Variants in ABCC2 observed in about 807,000 individuals in gnomAD.
The protein encoded by ABCC2 is ATP binding cassette subfamily C member 2, also known as ATP-binding cassette sub-family C member 2.
ABCC2 carries 157 observed loss-of-function variants against 173.4 expected under a neutral mutation model. The observed-to-expected ratio is 0.91, with a 90% CI of 0.80 to 1.03. The LOEUF (loss-of-function observed/expected upper bound fraction) is 1.03, where lower values mean the gene tolerates loss of function less well. ABCC2 is among the 50% of genes least tolerant of loss of function. The pLI is 0.00. For synonymous variants in ABCC2, 657 were observed against 693.5 expected, an observed-to-expected ratio of 0.95 and a Z score of 0.83; for missense variants, 1,822 against 1,852.3, an observed-to-expected ratio of 0.98 and a Z score of 0.30.
Position 99,811,604 on chromosome 10 carries a change from T to C in ABCC2, c.1967+2T>C, listed in dbSNP as rs387906396. The C allele has an allele frequency of 1.1e-5, 17 of 1,613,712 alleles. No homozygotes were observed. The East Asian group carries it at 3.3e-4, about 32-fold the overall frequency. The stretch of plus-strand genomic sequence containing the variant: ...TGATTCGGAAGCCACAGTCCGAGAG[T>C]GAGTTGCCTTCTTTCCATCCTAATG... On this transcript the variant is annotated splice_donor_variant, in intron 15 of 31. Coordinates refer to ENST00000647814, the MANE Select transcript of ABCC2 (RefSeq NM_000392.5). LOFTEE classifies it high-confidence loss of function.
intron 6 of ABCC2, among the ~76,000 whole-genome samples, chr10:99,795,792 A>AT (rs2037900961): frequency 1.1e-5 from 1 of 93,904 alleles, no homozygotes; most frequent in African/African-American, 4.0e-5. Context: ...AGAAAGAAAG[A>AT]AAGAAAGAAA....
intron 30 of ABCC2, among the ~76,000 whole-genome samples, chr10:99,848,423 G>A (rs1281480499): frequency 1.3e-5 from 2 of 152,188 alleles, no homozygotes; most frequent in East Asian, 3.8e-4. Context: ...CTCAGCCAAA[G>A]CCCACTGCTC....
Position 99,799,268 on chromosome 10 carries a change from T to A in ABCC2, c.929T>A (p.Leu310Ter). The change falls in exon 8 of 32, where the codon TTG becomes TAG. Residue 310 changes from leucine to a stop codon, truncating the protein, a stop_gained. Transcript: ENST00000647814. LOFTEE classifies it high-confidence loss of function. ...AAAAAAGATGTTCCAAAATCCTGGT[T>A]GATGAAGGCTCTGTTCAAAACTTTC... is the stretch of plus-strand genomic sequence containing the variant. Reference protein sequence around the residue: ...GTKKDVPKSWLMKALFKTFYM... With the variant: ...GTKKDVPKSW The A allele has an allele frequency of 6.2e-7, 1 of 1,614,186 alleles. No individual in the cohort carries two copies. The highest frequency in any genetic ancestry group is 8.5e-7 in the Non-Finnish European group (1 of 1,180,020).
At chr10:99,844,164 C>A (rs561313357) in intron 27 of ABCC2, among the ~76,000 whole-genome samples, 158 bp from the exon 28 acceptor site, 72 of 152,308 alleles carry the variant, frequency 4.7e-4, no homozygotes, top group Non-Finnish European at 7.6e-4. Context: ...TAGGAACTTT[C>A]CAAAAGTGCA....
chr10:99,847,160 A>T, intron 30 of ABCC2, 33 bp downstream of exon 30: 1 of 1,612,286 alleles, frequency 6.2e-7, no homozygotes, highest in Non-Finnish European at 8.5e-7. Flanking sequence ...CCCTGCAGGC[A>T]ATGAGAGGAT....
chr10:99,805,534 G>A, intron 11 of ABCC2, 87 bp downstream of exon 11: 1 of 1,338,036 alleles, frequency 7.5e-7, no homozygotes, highest in South Asian at 1.2e-5. Context: ...TAGAGGTGAT[G>A]GATTCCTGCT....
chr10:99,844,873 G>C (rs1222678630), intron 28 of ABCC2, among the ~76,000 whole-genome samples: 1 of 152,144 alleles, frequency 6.6e-6, no homozygotes, highest in Non-Finnish European at 1.5e-5. Flanking sequence ...TCAAAGTCAG[G>C]CACCCTCCTT....
chr10:99,849,670 G>A (rs1273933672), intron 30 of ABCC2, among the ~76,000 whole-genome samples: 3 of 152,186 alleles, frequency 2.0e-5, no homozygotes, highest in Non-Finnish European at 4.4e-5. Context: ...CCAGGCAGGA[G>A]TTTGGTACAA....
At chr10:99,832,507 T>C (rs2038757969) in intron 23 of ABCC2, among the ~76,000 whole-genome samples, 1 of 152,056 alleles carries the variant, frequency 6.6e-6, no homozygotes, top group South Asian at 2.1e-4. Flanking sequence ...ACTTAAGTCA[T>C]AGAAGCAAGC....
In ABCC2 at chr10:99,792,404, A is replaced by G. The variant is rs56152063; in HGVS notation, c.333+45A>G. 4.4e-5 allele frequency: 71 copies of G among 1,606,930 alleles called. No individual in the cohort carries two copies. In the Middle Eastern group the frequency reaches 1.5e-3, roughly 34 times the overall value. ...TGCCCTGTTTACCTTTTCATTACCC[A>G]TAGGCATCTAGGTGAAATGTACTCT... On this transcript the variant is annotated intron_variant, in intron 3 of 31. Transcript: ENST00000647814.
rs763509429 is a variant in ABCC2, at chr10:99,800,532, G to A, written c.1178G>A (p.Arg393Gln). 75 of 1,613,970 alleles carry A rather than the reference G, an allele frequency of 4.6e-5. No individual in the cohort carries two copies. The highest frequency in any genetic ancestry group is 1.0e-4 in the Admixed American group (6 of 59,968). Residue 393 changes from arginine (R) to glutamine (Q), a missense_variant, in exon 9 of 32, where the codon CGG becomes CAG. Coordinates refer to ENST00000647814, the MANE Select transcript of ABCC2 (RefSeq NM_000392.5). ...QLCFKLGVKV[R>Q]TAIMASVYKK... is the part of the protein sequence containing the mutation. The stretch of plus-strand genomic sequence containing the variant: ...TGCTTCAAGCTGGGTGTAAAAGTAC[G>A]GACAGCTATCATGGCTTCTGTATAT...
At chr10:99,832,301 T>C (rs1380360532) in intron 23 of ABCC2, among the ~76,000 whole-genome samples, 170 bp downstream of exon 23, 1 of 152,146 alleles carries the variant, frequency 6.6e-6, no homozygotes, top group African/African-American at 2.4e-5. Context: ...ATCCTGGAGA[T>C]TGAGGGATGA....
intron 2 of ABCC2, among the ~76,000 whole-genome samples, chr10:99,791,946 C>A (rs1399507217): frequency 6.6e-6 from 1 of 152,210 alleles, no homozygotes; most frequent in Non-Finnish European, 1.5e-5. Flanking sequence ...CCAGCCCACA[C>A]TCAAGGGAGA....
intron 17 of ABCC2, among the ~76,000 whole-genome samples, chr10:99,818,213 A>C (rs2038456656): frequency 7.3e-6 from 1 of 136,176 alleles, no homozygotes; most frequent in Admixed American, 7.6e-5. Flanking sequence ...ATGGAGCAAG[A>C]CTCCATCTCA....
chr10:99,796,695 C>G lies in ABCC2; in HGVS notation c.633-402C>G, dbSNP rs112622353. Among the ~76,000 whole-genome samples the G allele has an allele frequency of 6.8e-3, 1,033 of 151,816 alleles. 8 individuals carry two copies. The highest frequency in any genetic ancestry group is 0.023 in the African/African-American group (961 of 41,444). ...GTAAGACTCTGTCTCAAAAAAAACACAAAAAACAAACAACAACAACAACAA... is the reference window on the plus strand; with the variant it reads ...GTAAGACTCTGTCTCAAAAAAAACAGAAAAAACAAACAACAACAACAACAA... On this transcript the variant is annotated intron_variant, in intron 6 of 31. Coordinates refer to ENST00000647814, the MANE Select transcript of ABCC2 (RefSeq NM_000392.5).
At chr10:99,828,747 G>C (rs1306848113) in intron 19 of ABCC2, among the ~76,000 whole-genome samples, 1 of 152,114 alleles carries the variant, frequency 6.6e-6, no homozygotes, top group Non-Finnish European at 1.5e-5. Context: ...AAGTGTCTCA[G>C]CCTTTGCTGA....
intron 9 of ABCC2, among the ~76,000 whole-genome samples, chr10:99,802,026 C>A (rs1337607982): frequency 6.6e-6 from 1 of 152,194 alleles, no homozygotes; most frequent in Non-Finnish European, 1.5e-5. Context: ...TGCTGGTTTA[C>A]AAGTTATGAG....
At chr10:99,845,565 A>G in intron 28 of ABCC2, 59 bp from the exon 29 acceptor site, 2 of 1,603,890 alleles carry the variant, frequency 1.2e-6, no homozygotes, top group Non-Finnish European at 1.7e-6. Flanking sequence ...GCCCAGGCTA[A>G]ATAACTTTTC....
chr10:99,819,520 G>C (rs1316324968), intron 19 of ABCC2, among the ~76,000 whole-genome samples: 1 of 152,194 alleles, frequency 6.6e-6, no homozygotes, highest in Non-Finnish European at 1.5e-5. Context: ...ACACTCTTTA[G>C]AAGGGTACAA....
Sources: allele counts gnomAD v4.1 joint callset (sites outside exome capture counted in the v4.1 genomes callset), GRCh38; gene constraint gnomAD v4.1.1; transcripts MANE v1.5; gene names NCBI Gene and HGNC (gene_info 2026-07-23, HGNC 2026-07-21).